The following PDE1A variants were observed in gnomAD, a reference collection of about 807,000 sequenced individuals.
PDE1A encodes phosphodiesterase 1A.
PDE1A carries 35 observed loss-of-function variants against 61.7 expected under a neutral mutation model. The observed-to-expected ratio is 0.57, with a 90% CI of 0.43 to 0.75. The LOEUF (loss-of-function observed/expected upper bound fraction) is 0.75. Ranked by LOEUF, PDE1A falls within the 30% of genes least tolerant of loss-of-function variation. The probability of loss-of-function intolerance (pLI) is 0.00; values close to 1 mark genes in which losing one functional copy is unlikely to be tolerated. For synonymous variants in PDE1A, 232 were observed against 213.2 expected (o/e 1.09, Z -0.77); for missense variants, 597 against 630.6 (o/e 0.95, Z 0.57).
chr2:182,313,847 G>T (rs140139420), intron 1 of PDE1A, among the ~76,000 whole-genome samples: 1 of 152,222 alleles, frequency 6.6e-6, no homozygotes, highest in East Asian at 1.9e-4. Flanking sequence ...ATATGTAATT[G>T]ATCTAATATT....
intron 6 of PDE1A, 128 bp from the exon 7 acceptor site, chr2:182,224,092 G>A: frequency 1.6e-6 from 1 of 621,488 alleles, no homozygotes; most frequent in Non-Finnish European, 2.7e-6. Flanking sequence ...CTTTTAATTT[G>A]TTTCCTATTT....
At chr2:182,186,434 G>T (rs1389996857) in intron 12 of PDE1A, 34 bp downstream of exon 12, 2 of 1,603,726 alleles carry the variant, frequency 1.2e-6, no homozygotes, top group African/African-American at 1.3e-5. Flanking sequence ...ACACCACAAA[G>T]ATGAAAAATA....
chr2:182,508,109 CTT>C (rs74984401), intron 2 of PDE1A, among the ~76,000 whole-genome samples: 2,315 of 139,370 alleles, frequency 0.017, 62 homozygotes, highest in African/African-American at 0.058. Flanking sequence ...GGTTAGAATT[CTT>C]TTTTTTTTTT....
intron 1 of PDE1A, among the ~76,000 whole-genome samples, chr2:182,396,478 T>C (rs1701711924): frequency 6.6e-6 from 1 of 152,256 alleles, no homozygotes; most frequent in African/African-American, 2.4e-5. Context: ...AGGTAGTCAT[T>C]AATACCAGCT....
intron 1 of PDE1A, among the ~76,000 whole-genome samples, chr2:182,424,245 A>T (rs1703468013): frequency 6.6e-6 from 1 of 152,154 alleles, no homozygotes; most frequent in Non-Finnish European, 1.5e-5. Context: ...GCACCCGGCC[A>T]AATATTTCTT....
chr2:182,651,847 G>A, the PDE1A span, among the ~76,000 whole-genome samples: 1 of 152,146 alleles, frequency 6.6e-6, no homozygotes, highest in African/African-American at 2.4e-5. Flanking sequence ...AGGCTGTGAT[G>A]GCAGGCCTAA....
chr2:182,187,734 GTTCTTTTTTTT>G (rs1685334917), intron 11 of PDE1A, among the ~76,000 whole-genome samples: 1 of 104,592 alleles, frequency 9.6e-6, no homozygotes, highest in Non-Finnish European at 2.0e-5. Flanking sequence ...TTCTTTTTTT[GTTCTTTTTTTT>G]TTTTTTTTTT....
At chr2:182,413,465 G>A (rs367675508) in intron 1 of PDE1A, among the ~76,000 whole-genome samples, 2 of 152,110 alleles carry the variant, frequency 1.3e-5, no homozygotes, top group African/African-American at 2.4e-5. Flanking sequence ...CTTGATAATT[G>A]TTTTGTTAAG....
intron 7 of PDE1A, among the ~76,000 whole-genome samples, chr2:182,223,102 C>T (rs1688861497): frequency 6.6e-6 from 1 of 151,888 alleles, no homozygotes; most frequent in Non-Finnish European, 1.5e-5. Context: ...GGCCCAAGTC[C>T]GTTATGACTG....
the PDE1A span, among the ~76,000 whole-genome samples, chr2:182,581,408 G>A: frequency 6.6e-6 from 1 of 152,140 alleles, no homozygotes; most frequent in African/African-American, 2.4e-5. Flanking sequence ...AAGGCTCTGT[G>A]CATTCAAAAG....
the PDE1A span, among the ~76,000 whole-genome samples, chr2:182,669,554 C>T: frequency 5.3e-5 from 8 of 152,200 alleles, no homozygotes; most frequent in Admixed American, 2.0e-4. Context: ...CAGCAACCTT[C>T]GCTATTTTTC....
the PDE1A span, among the ~76,000 whole-genome samples, chr2:182,581,265 TGGAGTAGTCTCACA>T: frequency 6.6e-6 from 1 of 152,198 alleles, no homozygotes; most frequent in African/African-American, 2.4e-5. Context: ...CTAAGGATGT[TGGAGTAGTCTCACA>T]GGTTTAATTC....
chr2:182,588,298 G>A, the PDE1A span, among the ~76,000 whole-genome samples: 1 of 152,162 alleles, frequency 6.6e-6, no homozygotes, highest in Non-Finnish European at 1.5e-5. Context: ...GGAGTAAGTG[G>A]CCCAGGGATC....
chr2:182,377,112 G>A (rs889930651), intron 1 of PDE1A, among the ~76,000 whole-genome samples: 1 of 152,128 alleles, frequency 6.6e-6, no homozygotes, highest in South Asian at 2.1e-4. Flanking sequence ...TTATGAAAAT[G>A]ATATTGACAT....
intron 1 of PDE1A, among the ~76,000 whole-genome samples, chr2:182,348,117 C>G (rs1046128775): frequency 2.0e-5 from 3 of 152,088 alleles, no homozygotes; most frequent in Non-Finnish European, 2.9e-5. Context: ...TTATTTGGGA[C>G]CTACTACTTG....
chr2:182,604,493 A>G, the PDE1A span, among the ~76,000 whole-genome samples: 4 of 152,252 alleles, frequency 2.6e-5, no homozygotes, highest in Non-Finnish European at 5.9e-5. Flanking sequence ...CCCATGAAGA[A>G]CTACTTAAAA....
intron 1 of PDE1A, among the ~76,000 whole-genome samples, chr2:182,333,949 C>T (rs934446884): frequency 6.6e-6 from 1 of 152,138 alleles, no homozygotes; most frequent in African/African-American, 2.4e-5. Flanking sequence ...ATACTATAAA[C>T]ACCTCTATGC....
rs186397581 is a variant in PDE1A at position 182,480,376 on chromosome 2, G to C, written c.101+41900C>G. Among the ~76,000 whole-genome samples, 10 of 152,018 alleles carry C rather than the reference G, an allele frequency of 6.6e-5. No individual in the cohort carries two copies. The East Asian group carries it at 1.9e-3, about 30-fold the overall frequency. The stretch of plus-strand genomic sequence containing the variant: ...AAAGAACATATTTAAAGTTCAGAGA[G>C]CCCAGCCTGTTAGAGATAGCCACCT... On this transcript the variant is annotated intron_variant, in intron 2 of 14. Coordinates refer to the PDE1A transcript ENST00000410103.
chr2:182,329,938 T>C (rs927200430), intron 1 of PDE1A, among the ~76,000 whole-genome samples: 10 of 152,240 alleles, frequency 6.6e-5, no homozygotes, highest in Non-Finnish European at 1.0e-4. Flanking sequence ...CTTAAAATGG[T>C]GTCTGATATA....
Sources: gnomAD v4.1 joint callset for allele counts (sites outside exome capture counted in the v4.1 genomes callset) on GRCh38, gnomAD v4.1.1 for gene constraint, MANE v1.5 for transcripts, NCBI Gene and HGNC (gene_info 2026-07-23, HGNC 2026-07-21) for gene names.